CSMD1: variants seen among roughly 807,000 people sequenced by gnomAD.
CSMD1 encodes CUB and sushi domain-containing protein 1.
In CSMD1, 213 loss-of-function variants were observed where a neutral mutation model predicts 417.5. That is an observed-to-expected ratio of 0.51 (90% CI 0.46 to 0.57). CSMD1 has a LOEUF of 0.57. Ranked by LOEUF, CSMD1 falls within the 20% of genes least tolerant of loss-of-function variation. CSMD1 has a pLI of 0.00. For synonymous variants in CSMD1, 2,862 were observed against 1,736.8 expected (o/e 1.65, Z -16.11); for missense variants, 6,923 against 4,529.7 (o/e 1.53, Z -15.17).
intron 6 of CSMD1, among the ~76,000 whole-genome samples, chr8:3,727,866 G>C (rs1802584843): frequency 6.6e-6 from 1 of 152,124 alleles, no homozygotes; most frequent in Admixed American, 6.5e-5. Context: ...TGTCACAAAA[G>C]GACAAATACT....
At chr8:3,381,540 T>C (rs887370724) in intron 18 of CSMD1, among the ~76,000 whole-genome samples, 8 of 152,190 alleles carry the variant, frequency 5.3e-5, no homozygotes, top group Non-Finnish European at 8.8e-5. Flanking sequence ...ATCATTCTTA[T>C]TGCAAATATT....
chr8:3,438,863 C>G (rs974741869), intron 12 of CSMD1, among the ~76,000 whole-genome samples: 2 of 151,612 alleles, frequency 1.3e-5, no homozygotes, highest in Non-Finnish European at 2.9e-5. Context: ...CACCTGTAAT[C>G]CCAGCACTTT....
intron 26 of CSMD1, among the ~76,000 whole-genome samples, chr8:3,271,437 T>C (rs1052646781): frequency 4.0e-5 from 6 of 151,286 alleles, no homozygotes; most frequent in African/African-American, 1.2e-4. Flanking sequence ...CCTTTGGGTA[T>C]ATACCCAGTA....
At chr8:3,445,189 T>G (rs1239288359) in intron 12 of CSMD1, among the ~76,000 whole-genome samples, 1 of 152,194 alleles carries the variant, frequency 6.6e-6, no homozygotes, top group African/African-American at 2.4e-5. Flanking sequence ...TTAATAATTC[T>G]TTTATCACCT....
intron 12 of CSMD1, among the ~76,000 whole-genome samples, chr8:3,457,533 C>A (rs765779898): frequency 6.6e-6 from 1 of 152,158 alleles, no homozygotes; most frequent in Non-Finnish European, 1.5e-5. Context: ...CACGCCTGGC[C>A]GTTCCTGGCT....
chr8:4,044,223 A>G (rs1446561078), intron 3 of CSMD1, among the ~76,000 whole-genome samples: 1 of 152,236 alleles, frequency 6.6e-6, no homozygotes, highest in Non-Finnish European at 1.5e-5. Flanking sequence ...TGTTTCAAAT[A>G]CAAATAACTT....
intron 10 of CSMD1, among the ~76,000 whole-genome samples, chr8:3,525,991 G>C (rs1005943626): frequency 2.0e-5 from 3 of 152,046 alleles, no homozygotes; most frequent in African/African-American, 7.3e-5. Flanking sequence ...CACCTCTCTA[G>C]GACAAGCAAA....
At chr8:4,235,781 T>C (rs1802010032) in intron 3 of CSMD1, among the ~76,000 whole-genome samples, 1 of 152,184 alleles carries the variant, frequency 6.6e-6, no homozygotes, top group African/African-American at 2.4e-5. Flanking sequence ...CCTAGTCTTT[T>C]TCTTTTTTTC....
chr8:4,244,882 C>G lies in CSMD1; in HGVS notation c.415+175071G>C, dbSNP rs1195132471. 2.6e-5 allele frequency among the ~76,000 whole-genome samples: 4 copies of G among 152,116 alleles called. No individual in the cohort carries two copies. The East Asian group carries it at 7.7e-4, about 29-fold the overall frequency. On this transcript the variant is annotated intron_variant, in intron 3 of 69. Transcript: ENST00000635120. ...AAGATCCCCTAGGGATATTAAACTC[C>G]TGATAGATATAATGGAGATAACAAC...
intron 1 of CSMD1, among the ~76,000 whole-genome samples, chr8:4,885,525 A>G (rs1468146414): frequency 1.3e-5 from 2 of 151,936 alleles, no homozygotes; most frequent in Non-Finnish European, 2.9e-5. Flanking sequence ...TTGTTTGTTG[A>G]TTTTATTATG....
chr8:3,575,581 C>A (rs1800117768), intron 9 of CSMD1, among the ~76,000 whole-genome samples: 1 of 152,200 alleles, frequency 6.6e-6, no homozygotes, highest in Non-Finnish European at 1.5e-5. Flanking sequence ...GGTTTTGGAG[C>A]AGATGATCTC....
intron 3 of CSMD1, among the ~76,000 whole-genome samples, chr8:4,362,389 G>A (rs563973172): frequency 4.6e-4 from 69 of 150,176 alleles, no homozygotes; most frequent in African/African-American, 1.7e-3. Context: ...AGCAGAGCCT[G>A]GGGACAGAGT....
chr8:4,200,587 A>G (rs1049092165), intron 3 of CSMD1, among the ~76,000 whole-genome samples: 1 of 152,138 alleles, frequency 6.6e-6, no homozygotes, highest in South Asian at 2.1e-4. Context: ...GCGGGCCTGG[A>G]GGCTCATGCC....
rs1441982752 is a variant in CSMD1, at chr8:3,830,216, A to G, written c.819-76174T>C. On this transcript the variant is annotated intron_variant, in intron 5 of 69. Transcript: ENST00000635120. ...GAACAAGGATTGTTTGAGGTAAAAT[A>G]TGTGAAATTTCTAAAGGTGATCATA... Among the ~76,000 whole-genome samples the G allele has an allele frequency of 2.0e-5, 3 of 152,240 alleles. No homozygotes were observed. The East Asian group carries it at 5.8e-4, about 29-fold the overall frequency.
rs1269009473 is a variant in CSMD1 at position 3,219,286 on chromosome 8, C to T, written c.4641G>A (p.Val1547=). ...LFLAFRSDAS[V]GLSGFAIEFK... ...ATTCAATGGCGAACCCTGAAAGGCC[C>T]ACGGAGGCATCACTCCGAAATGCCA... The change falls in exon 29 of 70, where the codon GTG becomes GTA. Residue 1547 remains valine, a synonymous_variant. Coordinates refer to ENST00000635120, the MANE Select transcript of CSMD1 (RefSeq NM_033225.6). 1 of 1,594,938 alleles carries T rather than the reference C, an allele frequency of 6.3e-7. No homozygotes were observed. The highest frequency in any genetic ancestry group is 8.5e-7 in the Non-Finnish European group (1 of 1,169,876).
chr8:3,651,964 C>A (rs1797878721), intron 7 of CSMD1, among the ~76,000 whole-genome samples: 1 of 151,522 alleles, frequency 6.6e-6, no homozygotes, highest in South Asian at 2.1e-4. Context: ...AGAGCGCCAT[C>A]ACCACCAGAG....
intron 26 of CSMD1, among the ~76,000 whole-genome samples, chr8:3,248,826 A>T (rs937957652): frequency 6.6e-6 from 1 of 152,040 alleles, no homozygotes; most frequent in African/African-American, 2.4e-5. Flanking sequence ...GCTAAATTCT[A>T]CTTACTCTGT....
chr8:3,641,435 C>A (rs950356380), intron 7 of CSMD1, among the ~76,000 whole-genome samples: 2 of 152,160 alleles, frequency 1.3e-5, no homozygotes, highest in African/African-American at 4.8e-5. Flanking sequence ...TTATAACCCA[C>A]ATCACTCCTA....
chr8:4,794,786 A>C (rs866061373), intron 1 of CSMD1, among the ~76,000 whole-genome samples: 29 of 152,288 alleles, frequency 1.9e-4, no homozygotes, highest in Middle Eastern at 3.4e-3. Flanking sequence ...GGGGACTCTG[A>C]AGTAGTTTGA....
Sources: allele counts gnomAD v4.1 joint callset (sites outside exome capture counted in the v4.1 genomes callset), GRCh38; gene constraint gnomAD v4.1.1; transcripts MANE v1.5; gene names NCBI Gene and HGNC (gene_info 2026-07-23, HGNC 2026-07-21).